Variants in SMIM10L3 observed in about 807,000 individuals in gnomAD.
SMIM10L3 encodes salivary gland specific protein SAGSIN1.
chr7:6,345,420 T>A, the SMIM10L3 span, among the ~76,000 whole-genome samples: 4 of 152,082 alleles, frequency 2.6e-5, no homozygotes, highest in Admixed American at 2.6e-4. Context: ...CAGCCCTCGA[T>A]CTGATTTGTT....
At chr7:6,331,318 C>G in the SMIM10L3 span, 3 of 680,452 alleles carry the variant, frequency 4.4e-6, no homozygotes, top group Non-Finnish European at 7.5e-6. Flanking sequence ...TATTTCCTAA[C>G]AAACACTGAG....
chr7:6,347,883 TTTA>T, the SMIM10L3 span, among the ~76,000 whole-genome samples: 13,861 of 131,358 alleles, frequency 0.11, 936 homozygotes, highest in East Asian at 0.23. Context: ...ACGAGACCCC[TTTA>T]TTATTATTAT....
chr7:6,343,523 T>C, the SMIM10L3 span, among the ~76,000 whole-genome samples: 1 of 150,014 alleles, frequency 6.7e-6, no homozygotes, highest in East Asian at 1.9e-4. Context: ...TGTTAAATTA[T>C]AGCAGATTCA....
the SMIM10L3 span, among the ~76,000 whole-genome samples, chr7:6,334,136 G>C: frequency 0.06 from 9,080 of 151,098 alleles, 307 homozygotes; most frequent in African/African-American, 0.073. Context: ...GTGAGCCACC[G>C]CACCCAGCCG....
the SMIM10L3 span, among the ~76,000 whole-genome samples, chr7:6,335,981 T>C: frequency 1.3e-5 from 2 of 152,020 alleles, no homozygotes; most frequent in African/African-American, 4.8e-5. Flanking sequence ...GAGATCAGCC[T>C]GGTCTACACG....
the SMIM10L3 span, among the ~76,000 whole-genome samples, chr7:6,337,565 G>A: frequency 6.6e-6 from 1 of 151,608 alleles, no homozygotes; most frequent in African/African-American, 2.4e-5. Flanking sequence ...TTGTGTTAAA[G>A]TACTTTAAAT....
chr7:6,337,794 ATTAT>A, the SMIM10L3 span, among the ~76,000 whole-genome samples: 30 of 150,558 alleles, frequency 2.0e-4, no homozygotes, highest in Admixed American at 3.3e-4. Flanking sequence ...ATTTCAATAC[ATTAT>A]TTATTTATTT....
the SMIM10L3 span, among the ~76,000 whole-genome samples, chr7:6,332,681 T>C: frequency 1.3e-5 from 2 of 151,712 alleles, no homozygotes; most frequent in Non-Finnish European, 2.9e-5. Flanking sequence ...ACCTGGGCAA[T>C]GGAGTCAGAC....
the SMIM10L3 span, among the ~76,000 whole-genome samples, chr7:6,344,696 G>C: frequency 4.6e-5 from 7 of 152,000 alleles, no homozygotes. Flanking sequence ...TGGGATTACA[G>C]GGTTGAGTCA....
the SMIM10L3 span, among the ~76,000 whole-genome samples, chr7:6,334,244 G>T: frequency 1.6e-3 from 236 of 151,078 alleles, no homozygotes; most frequent in African/African-American, 5.4e-3. Flanking sequence ...TTTTTTTAAA[G>T]TTGTTGACTG....
the SMIM10L3 span, chr7:6,330,438 C>G: frequency 6.3e-5 from 101 of 1,614,060 alleles, no homozygotes; most frequent in Non-Finnish European, 8.1e-5. Flanking sequence ...CCAGTGTTAT[C>G]TGCAGACCAT....
chr7:6,330,743 T>C, the SMIM10L3 span: 1 of 1,614,152 alleles, frequency 6.2e-7, no homozygotes, highest in Non-Finnish European at 8.5e-7. Flanking sequence ...TGGCCGTCAG[T>C]GGCCCTGGGC....
At chr7:6,339,896 C>T in the SMIM10L3 span, among the ~76,000 whole-genome samples, 493 of 149,800 alleles carry the variant, frequency 3.3e-3, 2 homozygotes, top group Non-Finnish European at 4.9e-3. Context: ...AACTGACTTT[C>T]CGCAGGGAGC....
the SMIM10L3 span, among the ~76,000 whole-genome samples, chr7:6,348,116 G>A: frequency 1.3e-5 from 2 of 150,974 alleles, no homozygotes; most frequent in African/African-American, 4.9e-5. Context: ...CTCCGTGTTG[G>A]TCAGGCTGGT....
At chr7:6,344,576 G>A in the SMIM10L3 span, among the ~76,000 whole-genome samples, 4 of 151,816 alleles carry the variant, frequency 2.6e-5, no homozygotes, top group East Asian at 1.9e-4. Context: ...GCACCACCAC[G>A]CCCAGCTAAT....
At chr7:6,341,042 G>A in the SMIM10L3 span, among the ~76,000 whole-genome samples, 5 of 151,236 alleles carry the variant, frequency 3.3e-5, no homozygotes, top group Non-Finnish European at 7.4e-5. Flanking sequence ...TACTCGGGAG[G>A]CTGAGGCAGG....
the SMIM10L3 span, among the ~76,000 whole-genome samples, chr7:6,334,065 ATCTATC>A: frequency 2.0e-5 from 3 of 150,462 alleles, no homozygotes; most frequent in African/African-American, 7.3e-5. Flanking sequence ...CCAGGATGGA[ATCTATC>A]TCCTGACCTC....
chr7:6,341,007 G>A, the SMIM10L3 span, among the ~76,000 whole-genome samples: 1 of 150,628 alleles, frequency 6.6e-6, no homozygotes, highest in Non-Finnish European at 1.5e-5. Flanking sequence ...AGCCAGGTGT[G>A]GTGGTGGGAA....
chr7:6,347,008 T>C, the SMIM10L3 span, among the ~76,000 whole-genome samples: 1 of 151,966 alleles, frequency 6.6e-6, no homozygotes, highest in Admixed American at 6.6e-5. Flanking sequence ...AATTCTCGAG[T>C]TGACAACCTT....
Sources: allele counts gnomAD v4.1 joint callset (sites outside exome capture counted in the v4.1 genomes callset), GRCh38; gene constraint gnomAD v4.1.1; transcripts MANE v1.5; gene names NCBI Gene and HGNC (gene_info 2026-07-23, HGNC 2026-07-21).